The following ZCCHC14 variants were observed in gnomAD, a reference collection of about 807,000 sequenced individuals.
The protein encoded by ZCCHC14 is zinc finger CCHC-type containing 14, also known as zinc finger CCHC domain-containing protein 14.
In ZCCHC14, 16 loss-of-function variants were observed where a neutral mutation model predicts 85.0. The ratio of observed to expected loss-of-function variants is 0.19; its 90% CI spans 0.13 to 0.29. ZCCHC14 has a LOEUF of 0.29. Among genes scored for constraint, ZCCHC14 ranks in the 10% least tolerant of loss-of-function variants. The pLI is 1.00. For synonymous variants in ZCCHC14, 775 were observed against 630.7 expected (o/e 1.23, Z -3.43); for missense variants, 1,303 against 1,443.5 (o/e 0.90, Z 1.58).
chr16:87,487,289 AT>A lies in ZCCHC14; in HGVS notation c.570+4379del, dbSNP rs200699064. ...CTGCACCAAAAACTTTAAAAACGTT[AT>A]TTTTTTTAGTACCCCCTTAAAAAAA... On this transcript the variant is annotated intron_variant, in intron 1 of 12. Transcript: ENST00000671377. 4.7e-3 allele frequency among the ~76,000 whole-genome samples: 714 copies of A among 152,048 alleles called. 3 individuals carry two copies. The highest frequency in any genetic ancestry group is 0.016 in the African/African-American group (653 of 41,460).
chr16:87,439,396 G>A (rs1241963154), intron 2 of ZCCHC14, among the ~76,000 whole-genome samples: 4 of 152,198 alleles, frequency 2.6e-5, no homozygotes, highest in African/African-American at 7.2e-5. Context: ...GCCTCCCAAA[G>A]TGCTGGGATT....
intron 2 of ZCCHC14, 33 bp downstream of exon 2, chr16:87,459,975 A>G: frequency 6.2e-7 from 1 of 1,613,748 alleles, no homozygotes; most frequent in South Asian, 1.1e-5. Context: ...TCCGTCCGTC[A>G]GACGTCCTCC....
At position 87,486,182 on chromosome 16, in the gene ZCCHC14, C is replaced by G. The variant is rs566026480; in HGVS notation, c.570+5487G>C. Among the ~76,000 whole-genome samples the G allele has an allele frequency of 3.3e-5, 5 of 152,274 alleles. No homozygotes were observed. In the South Asian group the frequency reaches 8.3e-4, roughly 25 times the overall value. On this transcript the variant is annotated intron_variant, in intron 1 of 12. Coordinates refer to ENST00000671377, the MANE Select transcript of ZCCHC14 (RefSeq NM_015144.3). ...AGCCATTACACAGTAGATGGCAGTG[C>G]TACTGCAGCTCCATCATGGCATCAA...
chr16:87,492,542 C>A lies in ZCCHC14; in HGVS notation c.-304G>T. 6.9e-6 allele frequency: 1 copy of A among 145,974 alleles called. No homozygotes were observed. Among genetic ancestry groups the A allele is most frequent in the South Asian group, 1.9e-4 (1 of 5,246 alleles). 9.0% of individuals were successfully genotyped at this position (145,974 alleles called of 1,614,324 possible). On this transcript the variant is annotated 5_prime_UTR_variant, in exon 1 of 13. It adds an upstream start codon to the 5' untranslated region. Coordinates refer to ENST00000671377, the MANE Select transcript of ZCCHC14 (RefSeq NM_015144.3). The surrounding 1 kb of genome is among the most constrained non-coding windows in gnomAD (Gnocchi z 6.7). ...GGGCCCCCCGCTCACGGGGAGGCGCCTTCCCCGCGCCCGTGCCCAGCGGCG... is the reference window on the plus strand; with the variant it reads ...GGGCCCCCCGCTCACGGGGAGGCGCATTCCCCGCGCCCGTGCCCAGCGGCG...
At chr16:87,417,944 T>C (rs1432978412) in intron 7 of ZCCHC14, 1 of 605,510 alleles carries the variant, frequency 1.7e-6, no homozygotes, top group Non-Finnish European at 2.9e-6. Flanking sequence ...CTAAGATTTC[T>C]GTAATGCATG....
chr16:87,411,910 A>G lies in ZCCHC14; in HGVS notation c.2811T>C (p.Ser937=). ...SCGCSGSCGS[S]GLTVSYANYF... Reference sequence around the variant, plus strand: ...AGTTGGCGTAGCTGACAGTCAGGCCACTCGAGCCGCAGCTGCCGCTGCAGC... The same window carrying G: ...AGTTGGCGTAGCTGACAGTCAGGCCGCTCGAGCCGCAGCTGCCGCTGCAGC... Residue 937 remains serine, a synonymous_variant, in exon 12 of 13, where the codon AGT becomes AGC. Coordinates refer to ENST00000671377, the MANE Select transcript of ZCCHC14 (RefSeq NM_015144.3). 6.3e-7 allele frequency: 1 copy of G among 1,590,426 alleles called. No homozygotes were observed. Among genetic ancestry groups the G allele is most frequent in the Non-Finnish European group, 8.5e-7 (1 of 1,170,518 alleles).
intron 1 of ZCCHC14, among the ~76,000 whole-genome samples, chr16:87,490,466 T>G (rs555465760): frequency 6.6e-6 from 1 of 152,234 alleles, no homozygotes; most frequent in Non-Finnish European, 1.5e-5. Flanking sequence ...CAGCAAAATT[T>G]TGGCACTGGA....
rs148087360 is a variant in ZCCHC14, at chr16:87,464,704, T to C, written c.571-4573A>G. 1.2e-3 allele frequency among the ~76,000 whole-genome samples: 187 copies of C among 152,350 alleles called. 4 individuals are homozygous for C. In the East Asian group the frequency reaches 0.029, roughly 24 times the overall value. Reference sequence around the variant, plus strand: ...AGGAATTTCTTCTTAGTTTTCCACATGTTCACTTTTTCCAACCAAGCCTTT... The same window carrying C: ...AGGAATTTCTTCTTAGTTTTCCACACGTTCACTTTTTCCAACCAAGCCTTT... On this transcript the variant is annotated intron_variant, in intron 1 of 12. Coordinates refer to ENST00000671377, the MANE Select transcript of ZCCHC14 (RefSeq NM_015144.3).
intron 2 of ZCCHC14, among the ~76,000 whole-genome samples, chr16:87,457,013 C>T (rs1021820463): frequency 6.6e-6 from 1 of 152,216 alleles, no homozygotes; most frequent in Non-Finnish European, 1.5e-5. Context: ...TTGTACACTA[C>T]AACAGCTTCC....
Position 87,491,687 on chromosome 16 carries a change from A to G in ZCCHC14, c.552T>C (p.Thr184=). The change falls in exon 1 of 13, where the codon ACT becomes ACC. Residue 184 remains threonine, a synonymous_variant. Coordinates refer to ENST00000671377, the MANE Select transcript of ZCCHC14 (RefSeq NM_015144.3). The surrounding 1 kb of genome is among the most constrained non-coding windows in gnomAD (Gnocchi z 5.9). The part of the protein sequence containing the change: ...GAPGPGGALP[T]CPACHKITPR... ...CACGCACCTTGTGGCAGGCTGGGCA[A>G]GTGGGCAGCGCGCCGCCCGGCCCGG... The G allele has an allele frequency of 7.0e-7, 1 of 1,422,340 alleles. No homozygotes were observed. The highest frequency in any genetic ancestry group is 9.1e-7 in the Non-Finnish European group (1 of 1,094,250). 88.1% of individuals were successfully genotyped at this position (1,422,340 alleles called of 1,614,324 possible). A position where few individuals can be genotyped will look rare whatever the true frequency, so the allele number is the denominator to read the frequency against.
chr16:87,455,626 G>T (rs886529462), intron 2 of ZCCHC14, among the ~76,000 whole-genome samples: 1 of 152,164 alleles, frequency 6.6e-6, no homozygotes, highest in East Asian at 1.9e-4. Context: ...CTGTGCCCTG[G>T]GGTTCAAATC....
In ZCCHC14 at chr16:87,432,870, A is replaced by G. The variant is rs189381149; in HGVS notation, c.768+258T>C. 6.6e-4 allele frequency among the ~76,000 whole-genome samples: 100 copies of G among 152,266 alleles called. No individual in the cohort carries two copies. In the Middle Eastern group the frequency reaches 0.014, roughly 21 times the overall value. Reference sequence around the variant, plus strand: ...TCCAGTTCTGCTATTTAGCCCCCTGAGGTATGCACCATTCACACCTGAACT... The same window carrying G: ...TCCAGTTCTGCTATTTAGCCCCCTGGGGTATGCACCATTCACACCTGAACT... On this transcript the variant is annotated intron_variant, in intron 3 of 12. Coordinates refer to ENST00000671377, the MANE Select transcript of ZCCHC14 (RefSeq NM_015144.3).
intron 1 of ZCCHC14, among the ~76,000 whole-genome samples, chr16:87,476,930 G>A (rs1912031910): frequency 6.6e-6 from 1 of 151,804 alleles, no homozygotes; most frequent in Non-Finnish European, 1.5e-5. Context: ...TTTGAGACCA[G>A]CCTGACCAAC....
At chr16:87,489,773 A>G (rs1480945087) in intron 1 of ZCCHC14, among the ~76,000 whole-genome samples, 2 of 152,160 alleles carry the variant, frequency 1.3e-5, no homozygotes, top group Non-Finnish European at 2.9e-5. Context: ...GCTCTCCTAT[A>G]AAAGACATTT....
chr16:87,423,661 G>T, intron 4 of ZCCHC14, 149 bp downstream of exon 4: 1 of 799,760 alleles, frequency 1.3e-6, no homozygotes, highest in Non-Finnish European at 2.0e-6. Flanking sequence ...AGCGGGCCTG[G>T]GACTCCACTG....
chr16:87,412,694 C>T lies in ZCCHC14; in HGVS notation c.2027G>A (p.Arg676Lys). Residue 676 changes from arginine (R) to lysine (K), a missense_variant, in exon 12 of 13, where the codon AGG (arginine) becomes AAG (lysine). By Grantham distance (26) the Arg-to-Lys change is conservative (BLOSUM62 2). Transcript: ENST00000671377. ...GCTTCTTGGTCCAGATCCTTTATTC[C>T]TTTCTTCTAGAGACAAAAGTGAGTG... Reference protein sequence around the residue: ...SVHSLLSLEERNKGSGPRSSM... With the variant: ...SVHSLLSLEEKNKGSGPRSSM... The T allele has an allele frequency of 1.2e-6, 2 of 1,614,232 alleles. No homozygotes were observed. Among genetic ancestry groups the T allele is most frequent in the East Asian group, 2.2e-5 (1 of 44,886 alleles).
intron 8 of ZCCHC14, among the ~76,000 whole-genome samples, chr16:87,416,016 T>A (rs1908765160): frequency 6.6e-6 from 1 of 152,142 alleles, no homozygotes; most frequent in African/African-American, 2.4e-5. Flanking sequence ...AACCTCCACC[T>A]CCCGGGTTCA....
At chr16:87,417,339 C>G in intron 8 of ZCCHC14, 121 bp downstream of exon 8, 2 of 1,419,858 alleles carry the variant, frequency 1.4e-6, no homozygotes, top group Non-Finnish European at 1.9e-6. Flanking sequence ...TAAGAACAGG[C>G]GCTGCGCCTC....
Position 87,411,901 on chromosome 16 carries a change from A to G in ZCCHC14, c.2820T>C (p.Thr940=), listed in dbSNP as rs1266368102. 2.5e-6 allele frequency: 4 copies of G among 1,594,656 alleles called. No individual in the cohort carries two copies. Among genetic ancestry groups the G allele is most frequent in the Non-Finnish European group, 3.4e-6 (4 of 1,172,128 alleles). The part of the protein sequence containing the change: ...CSGSCGSSGL[T]VSYANYFQHP... ...GCTGGAAGTAGTTGGCGTAGCTGAC[A>G]GTCAGGCCACTCGAGCCGCAGCTGC... The change falls in exon 12 of 13, where the codon ACT becomes ACC. Residue 940 remains threonine, a synonymous_variant. Coordinates refer to ENST00000671377, the MANE Select transcript of ZCCHC14 (RefSeq NM_015144.3).
Sources: gnomAD v4.1 joint callset for allele counts (sites outside exome capture counted in the v4.1 genomes callset) on GRCh38, gnomAD v4.1.1 for gene constraint, Gnocchi (gnomAD v3.1) non-coding constraint, MANE v1.5 for transcripts, NCBI Gene and HGNC (gene_info 2026-07-23, HGNC 2026-07-21) for gene names.